PLD5: variants seen among roughly 807,000 people sequenced by gnomAD.
The protein encoded by PLD5 is inactive phospholipase D5.
PLD5 carries 36 observed loss-of-function variants against 61.1 expected under a neutral mutation model. That is an observed-to-expected ratio of 0.59 (90% CI 0.45 to 0.78). PLD5 has a LOEUF of 0.78. PLD5 is among the 30% of genes least tolerant of loss of function. The pLI, the probability that PLD5 is intolerant of heterozygous loss-of-function variation, is 0.00. For missense variants in PLD5, 515 were observed against 644.4 expected, an observed-to-expected ratio of 0.80 and a Z score of 2.17; for synonymous variants, 243 against 242.8, an observed-to-expected ratio of 1.00 and a Z score of -0.01.
Position 242,392,712 on chromosome 1 carries a change from A to G in PLD5, c.190-44470T>C, listed in dbSNP as rs558378357. Among the ~76,000 whole-genome samples the G allele has an allele frequency of 3.0e-3, 451 of 152,260 alleles. 1 individual carries two copies. Among genetic ancestry groups the G allele is most frequent in the Non-Finnish European group, 4.6e-3 (312 of 68,000 alleles). ...TCTCCTGACCTGCCCATCTCCTCAC[A>G]GGGCCAGAAGCCTTCAGTGGGTGGG... On this transcript the variant is annotated intron_variant, in intron 1 of 9. Coordinates refer to ENST00000536534, the MANE Select transcript of PLD5 (RefSeq NM_001372062.1).
chr1:242,497,597 C>T (rs951775952), intron 1 of PLD5, among the ~76,000 whole-genome samples: 38 of 152,324 alleles, frequency 2.5e-4, no homozygotes, highest in Middle Eastern at 3.4e-3. Context: ...TGTTTAACTT[C>T]GCTAAACCTC....
intron 4 of PLD5, among the ~76,000 whole-genome samples, chr1:242,225,121 A>G (rs1000997641): frequency 6.6e-6 from 1 of 152,212 alleles, no homozygotes; most frequent in African/African-American, 2.4e-5. Context: ...CGTGAGACCC[A>G]TTCATGCTGT....
At chr1:242,142,142 C>T (rs1179296000) in intron 5 of PLD5, among the ~76,000 whole-genome samples, 7 of 152,306 alleles carry the variant, frequency 4.6e-5, no homozygotes, top group African/African-American at 1.7e-4. Context: ...GTTTTGGCCT[C>T]CTCTTCATGA....
At chr1:242,198,200 G>A (rs1006482941) in intron 5 of PLD5, among the ~76,000 whole-genome samples, 1 of 152,152 alleles carries the variant, frequency 6.6e-6, no homozygotes, top group Non-Finnish European at 1.5e-5. Flanking sequence ...TGTTCCCTGC[G>A]GAAATCTCTT....
intron 1 of PLD5, among the ~76,000 whole-genome samples, chr1:242,483,301 A>C (rs1422034038): frequency 6.6e-6 from 1 of 152,204 alleles, no homozygotes; most frequent in Non-Finnish European, 1.5e-5. Flanking sequence ...AGTGTGCTGT[A>C]TTCAGGAAAC....
intron 2 of PLD5, among the ~76,000 whole-genome samples, chr1:242,326,724 T>C (rs933097153): frequency 1.3e-5 from 2 of 152,066 alleles, no homozygotes; most frequent in African/African-American, 4.8e-5. Flanking sequence ...GTTTTGTTTT[T>C]GAGACAGGGT....
At chr1:242,397,293 CA>C (rs1220461536) in intron 1 of PLD5, among the ~76,000 whole-genome samples, 8 of 152,034 alleles carry the variant, frequency 5.3e-5, no homozygotes, top group African/African-American at 1.9e-4. Flanking sequence ...TGGTTGATGG[CA>C]ACTCCATCCT....
chr1:242,165,185 GA>G (rs200082078), intron 5 of PLD5, among the ~76,000 whole-genome samples: 65 of 144,634 alleles, frequency 4.5e-4, no homozygotes, highest in African/African-American at 1.0e-3. Flanking sequence ...TTTTACTTAA[GA>G]AAAAAAAAAA....
At chr1:242,484,276 GT>G (rs1558138064) in intron 1 of PLD5, among the ~76,000 whole-genome samples, 2 of 152,128 alleles carry the variant, frequency 1.3e-5, no homozygotes, top group East Asian at 3.9e-4. Flanking sequence ...CAGGAGCTGG[GT>G]TTTTGAAAGA....
At chr1:242,340,766 A>T (rs1659784405) in intron 2 of PLD5, among the ~76,000 whole-genome samples, 1 of 152,198 alleles carries the variant, frequency 6.6e-6, no homozygotes, top group South Asian at 2.1e-4. Flanking sequence ...CCAGATTCAA[A>T]CCCAGGTAAT....
chr1:242,267,528 A>C (rs189173677), intron 3 of PLD5, among the ~76,000 whole-genome samples: 6 of 152,220 alleles, frequency 3.9e-5, no homozygotes, highest in Non-Finnish European at 7.3e-5. Context: ...AGGAAGCCTC[A>C]CCACAAACCA....
chr1:242,167,109 T>TAAA (rs1666376489), intron 5 of PLD5, among the ~76,000 whole-genome samples: 2 of 141,168 alleles, frequency 1.4e-5, no homozygotes, highest in East Asian at 2.0e-4. Context: ...ATAATAATAA[T>TAAA]AATAATAAAT....
rs1482271550 is a variant in PLD5, at chr1:242,256,134, G to A, written c.607+9203C>T. On this transcript the variant is annotated intron_variant, in intron 4 of 9. Transcript: ENST00000536534. The surrounding 1 kb of genome is among the most constrained non-coding windows in gnomAD (Gnocchi z 5.7). ...AGTTGGGGTCACTTTTAAACTGGGT[G>A]TCTGAGACAGTCACTCAGCAAATGT... Among the ~76,000 whole-genome samples the A allele has an allele frequency of 6.6e-6, 1 of 152,120 alleles. No homozygotes were observed. The highest frequency in any genetic ancestry group is 1.5e-5 in the Non-Finnish European group (1 of 68,020).
Position 242,154,995 on chromosome 1 carries a change from G to A in PLD5, c.736-30330C>T, listed in dbSNP as rs548845387. Among the ~76,000 whole-genome samples the A allele has an allele frequency of 3.5e-4, 53 of 152,190 alleles. 1 individual carries two copies. In the South Asian group the frequency reaches 0.01, roughly 30 times the overall value. The stretch of plus-strand genomic sequence containing the variant: ...GGTCCTGGACATTTTTTGGTGGGTA[G>A]GCTATTAATTATTGCCTCAATTTCA... On this transcript the variant is annotated intron_variant, in intron 5 of 9. Coordinates refer to ENST00000536534, the MANE Select transcript of PLD5 (RefSeq NM_001372062.1).
chr1:242,215,866 T>G (rs547949827), intron 5 of PLD5, among the ~76,000 whole-genome samples: 2 of 152,328 alleles, frequency 1.3e-5, no homozygotes, highest in South Asian at 4.1e-4. Context: ...GTTTTATTAA[T>G]CTTTTTAAAT....
At chr1:242,324,255 G>A (rs1311409896) in intron 2 of PLD5, among the ~76,000 whole-genome samples, 6 of 152,190 alleles carry the variant, frequency 3.9e-5, no homozygotes, top group African/African-American at 1.2e-4. Context: ...TCCAGATAAT[G>A]TCACCTCATG....
chr1:242,139,249 T>C (rs1663979408), intron 5 of PLD5, among the ~76,000 whole-genome samples: 1 of 152,162 alleles, frequency 6.6e-6, no homozygotes, highest in African/African-American at 2.4e-5. Context: ...TTGTTTTCAG[T>C]TAGGTTTTTT....
intron 1 of PLD5, among the ~76,000 whole-genome samples, chr1:242,511,861 A>C (rs1668920788): frequency 6.6e-6 from 1 of 152,186 alleles, no homozygotes; most frequent in South Asian, 2.1e-4. Context: ...AATCAGGAAA[A>C]AGGTGTATAG....
At chr1:242,368,281 G>A (rs780448513) in intron 1 of PLD5, among the ~76,000 whole-genome samples, 3 of 151,836 alleles carry the variant, frequency 2.0e-5, no homozygotes, top group Non-Finnish European at 4.4e-5. Context: ...CTTCATCAGA[G>A]CCCTGAACCA....
Sources: gnomAD v4.1 joint callset for allele counts (sites outside exome capture counted in the v4.1 genomes callset) on GRCh38, gnomAD v4.1.1 for gene constraint, Gnocchi (gnomAD v3.1) non-coding constraint, MANE v1.5 for transcripts, NCBI Gene and HGNC (gene_info 2026-07-23, HGNC 2026-07-21) for gene names.